FRMPD4: variants seen among roughly 807,000 people sequenced by gnomAD.
FRMPD4 encodes the protein FERM and PDZ domain containing 4, also known as FERM and PDZ domain-containing protein 4.
A neutral mutation model predicts 94.1 loss-of-function variants in FRMPD4; 22 were observed. That is an observed-to-expected ratio of 0.23 (90% CI 0.17 to 0.33). FRMPD4 has a LOEUF of 0.33. FRMPD4 is among the 10% of genes least tolerant of loss of function. The probability of loss-of-function intolerance (pLI) is 1.00; values close to 1 mark genes in which losing one functional copy is unlikely to be tolerated. For synonymous variants in FRMPD4, 631 were observed against 548.6 expected, an observed-to-expected ratio of 1.15 and a Z score of -2.10; for missense variants, 1,111 against 1,339.9, an observed-to-expected ratio of 0.83 and a Z score of 2.67.
intron 3 of FRMPD4, among the ~76,000 whole-genome samples, chrX:12,044,959 A>T (rs2054777728): frequency 8.9e-6 from 1 of 112,359 alleles, no homozygotes; most frequent in South Asian, 3.7e-4. Context: ...GTGCTAAACT[A>T]GGGATTGGCA....
At chrX:12,425,121 A>C (rs769133979) in intron 1 of FRMPD4, among the ~76,000 whole-genome samples, 32 of 112,633 alleles carry the variant, frequency 2.8e-4, no homozygotes, top group Non-Finnish European at 5.2e-4. Context: ...CCTTCTTCAC[A>C]AGACAGACAT....
chrX:12,124,686 T>C lies in FRMPD4; in HGVS notation c.95+246668T>C, dbSNP rs375195410. Among the ~76,000 whole-genome samples the C allele has an allele frequency of 6.3e-5, 7 of 111,822 alleles. No individual in the cohort carries two copies. In the East Asian group the frequency reaches 1.7e-3, roughly 27 times the overall value. ...TTATTAAAAATCTTTCAAATATTAA[T>C]AGCAACAAAGTATATTTAATGTGTG... is the stretch of plus-strand genomic sequence containing the variant. On this transcript the variant is annotated intron_variant, in intron 3 of 18. Transcript: ENST00000640291.
intron 2 of FRMPD4, among the ~76,000 whole-genome samples, chrX:12,560,742 CTTTTTTTTTTTTTTTTTTTTTTTTTTTTT>C (rs749269384): frequency 4.6e-5 from 2 of 43,449 alleles, no homozygotes; most frequent in Middle Eastern, 0.021. Context: ...CTCCCCTCAT[CTTTTTTTTTTTTTTTTTTTTTTTTTTTTT>C]TTTTTTTTTT....
intron 1 of FRMPD4, among the ~76,000 whole-genome samples, chrX:12,231,898 C>T (rs1268054602): frequency 8.9e-6 from 1 of 111,888 alleles, no homozygotes; most frequent in Non-Finnish European, 1.9e-5. Flanking sequence ...ATTCTAAGTG[C>T]AAACATTTGT....
chrX:12,543,535 A>G (rs1264521725), intron 2 of FRMPD4, among the ~76,000 whole-genome samples: 1 of 112,255 alleles, frequency 8.9e-6, no homozygotes, highest in South Asian at 3.7e-4. Context: ...CAAAACCACA[A>G]TGAGATACCA....
chrX:12,685,037 C>T (rs2060006687), intron 6 of FRMPD4, among the ~76,000 whole-genome samples: 1 of 111,951 alleles, frequency 8.9e-6, no homozygotes, highest in African/African-American at 3.2e-5. Flanking sequence ...GACTGGGATC[C>T]AGATTTATTC....
At chrX:11,925,371 G>A (rs1388069219) in intron 3 of FRMPD4, among the ~76,000 whole-genome samples, 1 of 111,375 alleles carries the variant, frequency 9.0e-6, no homozygotes, top group Admixed American at 9.5e-5. Context: ...TAACCAGGAC[G>A]TTCAGGACCT....
At chrX:12,026,617 C>G (rs1005761297) in intron 3 of FRMPD4, among the ~76,000 whole-genome samples, 2 of 111,995 alleles carry the variant, frequency 1.8e-5, no homozygotes, top group African/African-American at 6.5e-5. Flanking sequence ...ATGCATGTGC[C>G]ATTGTATTCT....
chrX:12,686,682 T>C (rs1192751272), intron 7 of FRMPD4, among the ~76,000 whole-genome samples: 1 of 112,137 alleles, frequency 8.9e-6, no homozygotes, highest in Non-Finnish European at 1.9e-5. Context: ...CTGTAACCAA[T>C]TTCATGGTAA....
intron 1 of FRMPD4, among the ~76,000 whole-genome samples, chrX:12,475,167 T>G (rs2057577380): frequency 9.0e-6 from 1 of 111,619 alleles, no homozygotes; most frequent in Admixed American, 9.5e-5. Context: ...CATACCCAAA[T>G]CAACAAACGT....
intron 5 of FRMPD4, among the ~76,000 whole-genome samples, chrX:12,676,115 T>C (rs2059896010): frequency 8.9e-6 from 1 of 112,148 alleles, no homozygotes; most frequent in Non-Finnish European, 1.9e-5. Flanking sequence ...TACATTGGGA[T>C]TTGAAAACTA....
intron 4 of FRMPD4, among the ~76,000 whole-genome samples, chrX:12,653,733 T>TGA (rs755427024): frequency 2.1e-5 from 2 of 93,490 alleles, no homozygotes; most frequent in African/African-American, 7.7e-5. Context: ...TATGACTTAC[T>TGA]AAAAAAAAAA....
chrX:12,716,719 G>A lies in FRMPD4; in HGVS notation c.2260G>A (p.Val754Met). 1.7e-6 allele frequency: 2 copies of A among 1,211,919 alleles called. No homozygotes were observed. Among genetic ancestry groups the A allele is most frequent in the Non-Finnish European group, 2.2e-6 (2 of 895,445 alleles). ...TGATGACGCGGAGGACGAGGACGAG[G>A]TGAGCTGCGAGGAGGACCTCGTGGT... is the stretch of plus-strand genomic sequence containing the variant. ...NTDDAEDEDE[V>M]SCEEDLVVGE... The change falls in exon 15 of 17, where the codon GTG becomes ATG. Residue 754 changes from valine (V) to methionine (M), a missense_variant. By Grantham distance (21) the Val-to-Met change is conservative. This residue lies in a region of FRMPD4 where 192 missense variants were observed against 192.5 expected (regional missense o/e 1.00). Coordinates refer to ENST00000675598, the MANE Select transcript of FRMPD4 (RefSeq NM_001368397.1).
chrX:12,503,707 T>C (rs189022434), intron 2 of FRMPD4, among the ~76,000 whole-genome samples: 8 of 112,277 alleles, frequency 7.1e-5, no homozygotes, highest in Non-Finnish European at 1.5e-4. Flanking sequence ...TCTGTCATCA[T>C]GGAAATTAGA....
chrX:11,988,902 G>A (rs1324077078), intron 3 of FRMPD4, among the ~76,000 whole-genome samples: 1 of 111,535 alleles, frequency 9.0e-6, no homozygotes, highest in Non-Finnish European at 1.9e-5. Flanking sequence ...AAGCTACAAC[G>A]AGATATCATA....
At chrX:12,281,179 G>A (rs1282816676) in intron 1 of FRMPD4, among the ~76,000 whole-genome samples, 2 of 111,467 alleles carry the variant, frequency 1.8e-5, no homozygotes, top group Non-Finnish European at 3.8e-5. Context: ...TGGGTGATGG[G>A]AGGCTGGCTT....
intron 1 of FRMPD4, among the ~76,000 whole-genome samples, chrX:12,241,454 G>T (rs1270581150): frequency 8.9e-6 from 1 of 112,321 alleles, no homozygotes; most frequent in African/African-American, 3.2e-5. Context: ...GAGATTTCGT[G>T]GTGAAAGCAC....
chrX:12,649,083 C>T (rs764635167), intron 4 of FRMPD4, among the ~76,000 whole-genome samples: 7 of 112,166 alleles, frequency 6.2e-5, no homozygotes, highest in Non-Finnish European at 1.3e-4. Flanking sequence ...CGTGACCTAA[C>T]AAGGTCTGAG....
At chrX:11,955,674 A>G (rs1329275679) in intron 3 of FRMPD4, among the ~76,000 whole-genome samples, 2 of 106,389 alleles carry the variant, frequency 1.9e-5, no homozygotes, top group Non-Finnish European at 3.9e-5. Flanking sequence ...CCCAGGAGGC[A>G]GAGCTTGCAG....
Sources: gnomAD v4.1 joint callset for allele counts (sites outside exome capture counted in the v4.1 genomes callset) on GRCh38, gnomAD v4.1.1 for gene constraint, gnomAD v4.1.1 regional missense constraint, MANE v1.5 for transcripts, NCBI Gene and HGNC (gene_info 2026-07-23, HGNC 2026-07-21) for gene names.